The following ELOVL7 variants were observed in gnomAD, a reference collection of about 807,000 sequenced individuals.
The protein encoded by ELOVL7 is ELOVL fatty acid elongase 7.
ELOVL7 carries 27 observed loss-of-function variants against 35.7 expected under a neutral mutation model. That is an observed-to-expected ratio of 0.76 (90% CI 0.56 to 1.04). The LOEUF (loss-of-function observed/expected upper bound fraction) is 1.04. Ranked by LOEUF, ELOVL7 falls within the 50% of genes least tolerant of loss-of-function variation. The probability of loss-of-function intolerance (pLI) is 0.00; values close to 1 mark genes in which losing one functional copy is unlikely to be tolerated. For missense variants in ELOVL7, 327 were observed against 340.8 expected (o/e 0.96, Z 0.32); for synonymous variants, 113 against 114.6 (o/e 0.99, Z 0.09).
intron 1 of ELOVL7, among the ~76,000 whole-genome samples, chr5:60,813,381 A>G (rs1367700176): frequency 1.3e-5 from 2 of 152,112 alleles, no homozygotes; most frequent in African/African-American, 4.8e-5. Context: ...TATCCCTTAA[A>G]TCTACGCTTA....
intron 1 of ELOVL7, among the ~76,000 whole-genome samples, chr5:60,824,510 T>G (rs1402520320): frequency 6.6e-6 from 1 of 152,198 alleles, no homozygotes; most frequent in African/African-American, 2.4e-5. Context: ...CATTTTCCTA[T>G]GGAAGTGAAA....
At chr5:60,824,120 T>C (rs189133761) in intron 1 of ELOVL7, among the ~76,000 whole-genome samples, 2 of 152,294 alleles carry the variant, frequency 1.3e-5, no homozygotes, top group East Asian at 3.9e-4. Context: ...AGAGGATTAC[T>C]GTAGGATTAA....
At chr5:60,787,080 A>G (rs920292715) in intron 3 of ELOVL7, among the ~76,000 whole-genome samples, 1 of 152,174 alleles carries the variant, frequency 6.6e-6, no homozygotes, top group Non-Finnish European at 1.5e-5. Flanking sequence ...AGAATGAGTC[A>G]TCATTTATTG....
intron 1 of ELOVL7, among the ~76,000 whole-genome samples, chr5:60,837,339 T>TGGGG (rs1746886907): frequency 1.3e-5 from 1 of 76,562 alleles, no homozygotes; most frequent in African/African-American, 6.4e-5. Context: ...GGGGTGGGGG[T>TGGGG]GGCGCTTGTC....
intron 2 of ELOVL7, among the ~76,000 whole-genome samples, chr5:60,795,700 G>T (rs1293709108): frequency 6.6e-6 from 1 of 152,236 alleles, no homozygotes; most frequent in Non-Finnish European, 1.5e-5. Flanking sequence ...CTGTGCTTCT[G>T]ATCCAGTGAG....
At chr5:60,837,327 G>GGT (rs1746883172) in intron 1 of ELOVL7, among the ~76,000 whole-genome samples, 1 of 77,260 alleles carries the variant, frequency 1.3e-5, no homozygotes, top group African/African-American at 5.4e-5. Flanking sequence ...GGGGGGGAGT[G>GGT]GGGGGTGGGG....
chr5:60,766,596 T>A lies in ELOVL7; in HGVS notation c.371A>T (p.Lys124Ile). 1 of 1,612,820 alleles carries A rather than the reference T, an allele frequency of 6.2e-7. No individual in the cohort carries two copies. Among genetic ancestry groups the A allele is most frequent in the Non-Finnish European group, 8.5e-7 (1 of 1,179,438 alleles). The change falls in exon 6 of 9, where the codon AAA becomes ATA. Residue 124 changes from lysine (K) to isoleucine (I), a missense_variant. By Grantham distance (102) the Lys-to-Ile change is moderately radical. Transcript: ENST00000508821. ...CACCGTATCTAATAGCTCAATAAAT[T>A]TGGAGAAGTAATAAAGCCAGCAGGT... ...ARTCWLYYFS[K>I]FIELLDTIFF...
chr5:60,783,571 A>G (rs1023418174), intron 3 of ELOVL7, among the ~76,000 whole-genome samples: 4 of 152,226 alleles, frequency 2.6e-5, no homozygotes. Context: ...CATTTGGGAT[A>G]GTGAATAGCA....
At chr5:60,759,830 C>A (rs528758621) in intron 7 of ELOVL7, among the ~76,000 whole-genome samples, 2 of 152,002 alleles carry the variant, frequency 1.3e-5, no homozygotes, top group East Asian at 3.9e-4. Context: ...GATGTTCCCC[C>A]TCCTGTGTCC....
In ELOVL7 at chr5:60,754,607, T is replaced by C. The variant is rs778097894; in HGVS notation, c.*17A>G. The C allele has an allele frequency of 1.8e-5, 29 of 1,609,520 alleles. No individual in the cohort carries two copies. The highest frequency in any genetic ancestry group is 8.0e-5 in the African/African-American group (6 of 74,806). ...GAAGACAATGTATCAGTTTCGATCA[T>C]AGACTTATGTTGGGCTTCAATTATC... is the stretch of plus-strand genomic sequence containing the variant. On this transcript the variant is annotated 3_prime_UTR_variant, in exon 9 of 9. Coordinates refer to ENST00000508821, the MANE Select transcript of ELOVL7 (RefSeq NM_024930.3).
intron 1 of ELOVL7, among the ~76,000 whole-genome samples, chr5:60,839,614 A>G (rs572975104): frequency 2.6e-5 from 4 of 152,330 alleles, no homozygotes; most frequent in African/African-American, 7.2e-5. Context: ...GCTTCTTTCC[A>G]TGCTACGTGA....
At chr5:60,778,463 G>A (rs910348727) in intron 3 of ELOVL7, among the ~76,000 whole-genome samples, 4 of 152,188 alleles carry the variant, frequency 2.6e-5, no homozygotes, top group African/African-American at 9.7e-5. Context: ...GAGACGTCAG[G>A]AAACTTACAA....
At chr5:60,824,650 T>G (rs534396677) in intron 1 of ELOVL7, among the ~76,000 whole-genome samples, 111 of 152,352 alleles carry the variant, frequency 7.3e-4, no homozygotes, top group African/African-American at 2.6e-3. Context: ...TCCTATCTTC[T>G]AAATATATTC....
rs1270412969 is a variant in ELOVL7, at chr5:60,795,713, G to A, written c.-35+3467C>T. On this transcript the variant is annotated intron_variant, in intron 2 of 8. Coordinates refer to ENST00000508821, the MANE Select transcript of ELOVL7 (RefSeq NM_024930.3). ...CACTGTGCTTCTGATCCAGTGAGGCGCCCATTGCCACTCCCAATCGGGCTA... is the reference window on the plus strand; with the variant it reads ...CACTGTGCTTCTGATCCAGTGAGGCACCCATTGCCACTCCCAATCGGGCTA... Among the ~76,000 whole-genome samples, 4 of 152,162 alleles carry A rather than the reference G, an allele frequency of 2.6e-5. No homozygotes were observed. In the East Asian group the frequency reaches 5.8e-4, roughly 22 times the overall value.
intron 3 of ELOVL7, among the ~76,000 whole-genome samples, chr5:60,773,748 T>A (rs1742739161): frequency 6.6e-6 from 1 of 152,228 alleles, no homozygotes; most frequent in Admixed American, 6.5e-5. Context: ...TTATATCCTA[T>A]ACAAACAAGA....
chr5:60,791,533 AT>A, intron 2 of ELOVL7, among the ~76,000 whole-genome samples: 1 of 152,132 alleles, frequency 6.6e-6, no homozygotes, highest in Admixed American at 6.5e-5. Context: ...TCTAAAATAT[AT>A]TTTTTTAAGT....
chr5:60,835,558 C>T (rs1467493680), intron 1 of ELOVL7, among the ~76,000 whole-genome samples: 1 of 151,882 alleles, frequency 6.6e-6, no homozygotes, highest in African/African-American at 2.4e-5. Context: ...ACTACAGACG[C>T]ATGCCACCAC....
rs79870234 is a variant in ELOVL7 at position 60,775,291 on chromosome 5, T to C, written c.65-3198A>G. On this transcript the variant is annotated intron_variant, in intron 3 of 8. Transcript: ENST00000508821. ...CATCTAACCAAGGAAGTAAAAGATC[T>C]GTACAAGGAGCATTACAAAACACTG... Among the ~76,000 whole-genome samples, 741 of 152,238 alleles carry C rather than the reference T, an allele frequency of 4.9e-3. 6 individuals are homozygous for C. The highest frequency in any genetic ancestry group is 7.1e-3 in the Non-Finnish European group (486 of 68,020).
At position 60,768,085 on chromosome 5, in the gene ELOVL7, T is replaced by G. The variant is rs368193455; in HGVS notation, c.256-182A>C. The stretch of plus-strand genomic sequence containing the variant: ...GATATCAAAGCTTGATATCAAGAAT[T>G]TTCAAAACCACAAACTCATATATTA... On this transcript the variant is annotated intron_variant, in intron 4 of 8. Coordinates refer to ENST00000508821, the MANE Select transcript of ELOVL7 (RefSeq NM_024930.3). 2.8e-4 allele frequency among the ~76,000 whole-genome samples: 42 copies of G among 152,278 alleles called. No individual in the cohort carries two copies. In the South Asian group the frequency reaches 4.4e-3, roughly 16 times the overall value.
Sources: allele counts gnomAD v4.1 joint callset (sites outside exome capture counted in the v4.1 genomes callset), GRCh38; gene constraint gnomAD v4.1.1; transcripts MANE v1.5; gene names NCBI Gene and HGNC (gene_info 2026-07-23, HGNC 2026-07-21).